The following PPM1H variants were observed in gnomAD, a reference collection of about 807,000 sequenced individuals.
The protein encoded by PPM1H is protein phosphatase, Mg2+/Mn2+ dependent 1H.
In PPM1H, 27 loss-of-function variants were observed where a neutral mutation model predicts 54.9. The observed-to-expected ratio is 0.49, with a 90% confidence interval of 0.36 to 0.68. The LOEUF is 0.68. Among genes scored for constraint, PPM1H ranks in the 30% least tolerant of loss-of-function variants. The pLI is 0.00. For synonymous variants in PPM1H, 305 were observed against 270.8 expected (o/e 1.13, Z -1.24); for missense variants, 596 against 667.8 (o/e 0.89, Z 1.19).
intron 3 of PPM1H, among the ~76,000 whole-genome samples, chr12:62,794,968 G>A (rs1384806823): frequency 6.6e-6 from 1 of 152,142 alleles, no homozygotes; most frequent in Admixed American, 6.5e-5. Context: ...GGACACAGGA[G>A]GGATTCGCTA....
intron 4 of PPM1H, among the ~76,000 whole-genome samples, chr12:62,738,016 G>A (rs1267524549): frequency 2.0e-5 from 3 of 152,158 alleles, no homozygotes; most frequent in Non-Finnish European, 2.9e-5. Flanking sequence ...AACCACATGC[G>A]GGTACTAGGC....
chr12:62,738,501 G>A (rs1202737119), intron 4 of PPM1H, among the ~76,000 whole-genome samples: 1 of 152,186 alleles, frequency 6.6e-6, no homozygotes, highest in East Asian at 1.9e-4. Flanking sequence ...AGGAGAGGCT[G>A]CAGGATCGAT....
At chr12:62,761,360 A>T (rs1283466764) in intron 4 of PPM1H, among the ~76,000 whole-genome samples, 1 of 152,236 alleles carries the variant, frequency 6.6e-6, no homozygotes, top group African/African-American at 2.4e-5. Flanking sequence ...CTGGGGGGCA[A>T]ATGGGATTAT....
intron 6 of PPM1H, among the ~76,000 whole-genome samples, chr12:62,711,658 A>T (rs2120425988): frequency 6.6e-6 from 1 of 152,326 alleles, no homozygotes; most frequent in East Asian, 1.9e-4. Flanking sequence ...TGGATAATAG[A>T]TATAAATGCT....
intron 2 of PPM1H, among the ~76,000 whole-genome samples, chr12:62,817,123 A>AAAAAAAAAGAAAAAAAAAAAAAAC (rs2076871579): frequency 8.1e-6 from 1 of 124,080 alleles, no homozygotes; most frequent in African/African-American, 3.5e-5. Context: ...TACTAAAAAA[A>AAAAAAAAAGAAAAAAAAAAAAAAC]AAAAAAAAAA....
At chr12:62,730,416 G>C (rs1461418057) in intron 5 of PPM1H, among the ~76,000 whole-genome samples, 1 of 152,154 alleles carries the variant, frequency 6.6e-6, no homozygotes, top group Admixed American at 6.5e-5. Flanking sequence ...CTTTTTCAAA[G>C]GAGTTGTTCC....
At chr12:62,717,158 T>C (rs1308219959) in intron 6 of PPM1H, among the ~76,000 whole-genome samples, 2 of 152,190 alleles carry the variant, frequency 1.3e-5, no homozygotes, top group Non-Finnish European at 2.9e-5. Flanking sequence ...TTTCAATTTC[T>C]TAGGTTCTTC....
At chr12:62,722,440 C>T (rs555910307) in intron 5 of PPM1H, among the ~76,000 whole-genome samples, 3 of 152,310 alleles carry the variant, frequency 2.0e-5, no homozygotes, top group South Asian at 4.1e-4. Context: ...AGCCCGAGGT[C>T]ATTCGCCCAA....
At chr12:62,902,573 G>C (rs1243419018) in intron 1 of PPM1H, among the ~76,000 whole-genome samples, 1 of 152,112 alleles carries the variant, frequency 6.6e-6, no homozygotes, top group East Asian at 1.9e-4. Flanking sequence ...CCCGCCCCTG[G>C]GGGTAGCCTA....
At chr12:62,892,941 G>T (rs1192823917) in intron 1 of PPM1H, among the ~76,000 whole-genome samples, 1 of 152,248 alleles carries the variant, frequency 6.6e-6, no homozygotes, top group Admixed American at 6.5e-5. Context: ...ACAAAGTCCT[G>T]GTCCCTCACT....
chr12:62,830,245 A>T (rs976913952), intron 2 of PPM1H, among the ~76,000 whole-genome samples: 3 of 151,858 alleles, frequency 2.0e-5, no homozygotes, highest in African/African-American at 7.2e-5. Context: ...TTTATATTTT[A>T]TTTATTTATT....
At chr12:62,897,030 C>A (rs990625519) in intron 1 of PPM1H, among the ~76,000 whole-genome samples, 1 of 143,080 alleles carries the variant, frequency 7.0e-6, no homozygotes, top group Non-Finnish European at 1.5e-5. Context: ...TATTCTCACT[C>A]GCAGGTGGGA....
chr12:62,831,707 ATGTGTGTG>A (rs371871033), intron 2 of PPM1H, among the ~76,000 whole-genome samples: 2 of 117,164 alleles, frequency 1.7e-5, no homozygotes, highest in Non-Finnish European at 3.7e-5. Flanking sequence ...TTGTGTGTGT[ATGTGTGTG>A]TGTGTGTGTG....
chr12:62,868,086 CA>C (rs1455415488), intron 1 of PPM1H, among the ~76,000 whole-genome samples: 3 of 152,110 alleles, frequency 2.0e-5, no homozygotes, highest in Non-Finnish European at 4.4e-5. Flanking sequence ...AAAAGGCTGC[CA>C]AATGCATGAT....
At chr12:62,880,964 A>T (rs928657376) in intron 1 of PPM1H, among the ~76,000 whole-genome samples, 3 of 152,198 alleles carry the variant, frequency 2.0e-5, no homozygotes, top group African/African-American at 7.2e-5. Flanking sequence ...GATGGTCCAC[A>T]GGCACTTCAG....
intron 4 of PPM1H, among the ~76,000 whole-genome samples, chr12:62,764,074 G>A (rs1031064311): frequency 1.3e-5 from 2 of 152,166 alleles, no homozygotes; most frequent in African/African-American, 4.8e-5. Flanking sequence ...GGACCATCCT[G>A]TCTCTCCTCT....
rs567412284 is a variant in PPM1H, at chr12:62,824,453, A to G, written c.411+7661T>C. Among the ~76,000 whole-genome samples the G allele has an allele frequency of 4.1e-4, 62 of 152,366 alleles. 1 individual carries two copies. In the South Asian group the frequency reaches 5.4e-3, roughly 13 times the overall value. On this transcript the variant is annotated intron_variant, in intron 2 of 9. Coordinates refer to ENST00000228705, the MANE Select transcript of PPM1H (RefSeq NM_020700.2). ...AGCCCACATTGCCAAGACAATCCTA[A>G]GCAAAAAGAACAAAGCTGGAGGCAT...
chr12:62,834,119 ATTTGTC>A (rs1372636726), intron 1 of PPM1H, among the ~76,000 whole-genome samples: 13 of 152,094 alleles, frequency 8.5e-5, no homozygotes, highest in African/African-American at 2.9e-4. Context: ...ATTTCCTAAG[ATTTGTC>A]TTTAAGTGGA....
chr12:62,658,075 AATG>A (rs1417254084), intron 9 of PPM1H, among the ~76,000 whole-genome samples: 2 of 149,138 alleles, frequency 1.3e-5, no homozygotes, highest in African/African-American at 5.1e-5. Flanking sequence ...AAAAAAAAAA[AATG>A]AGGTGGGGCC....
Sources: allele counts gnomAD v4.1 joint callset (sites outside exome capture counted in the v4.1 genomes callset), GRCh38; gene constraint gnomAD v4.1.1; transcripts MANE v1.5; gene names NCBI Gene and HGNC (gene_info 2026-07-23, HGNC 2026-07-21).